The following WDR72 variants were observed in gnomAD, a reference collection of about 807,000 sequenced individuals.
WDR72 encodes the protein WD repeat domain 72.
WDR72 carries 120 observed loss-of-function variants against 124.2 expected under a neutral mutation model. The ratio of observed to expected loss-of-function variants is 0.97; its 90% CI spans 0.83 to 1.12. The LOEUF (loss-of-function observed/expected upper bound fraction) is 1.12, where lower values mean the gene tolerates loss of function less well. Among genes scored for constraint, WDR72 ranks in the 50% most tolerant of loss-of-function variants. The pLI is 0.00. For missense variants in WDR72, 1,387 were observed against 1,278.8 expected, an observed-to-expected ratio of 1.08 and a Z score of -1.29; for synonymous variants, 452 against 441.7, an observed-to-expected ratio of 1.02 and a Z score of -0.29.
chr15:53,650,637 T>C (rs1342755864), intron 14 of WDR72, among the ~76,000 whole-genome samples: 3 of 152,140 alleles, frequency 2.0e-5, no homozygotes, highest in Non-Finnish European at 4.4e-5. Flanking sequence ...ATCTTATTCA[T>C]CCATCAAGAT....
intron 13 of WDR72, among the ~76,000 whole-genome samples, chr15:53,668,968 G>GAGGAGA: frequency 1.0e-5 from 1 of 99,858 alleles, no homozygotes; most frequent in Non-Finnish European, 2.2e-5. Flanking sequence ...GGAGAAGGAG[G>GAGGAGA]AGGAGGAGGA....
chr15:53,651,323 T>C (rs1434148598), intron 14 of WDR72, among the ~76,000 whole-genome samples: 2 of 152,190 alleles, frequency 1.3e-5, no homozygotes, highest in African/African-American at 4.8e-5. Context: ...AGACTGTCTA[T>C]CAAACTGCCC....
intron 13 of WDR72, among the ~76,000 whole-genome samples, chr15:53,689,631 G>C (rs1430929226): frequency 5.4e-5 from 8 of 148,300 alleles, no homozygotes; most frequent in South Asian, 4.4e-4. Context: ...CTGTAAACTA[G>C]TTCAACCATT....
At chr15:53,644,304 C>CAT (rs2014963452) in intron 14 of WDR72, among the ~76,000 whole-genome samples, 1 of 151,866 alleles carries the variant, frequency 6.6e-6, no homozygotes, top group Non-Finnish European at 1.5e-5. Flanking sequence ...CTTGGTGGTA[C>CAT]ATAGTTTTTC....
chr15:53,723,778 T>C (rs962239924), intron 2 of WDR72, among the ~76,000 whole-genome samples: 1 of 152,194 alleles, frequency 6.6e-6, no homozygotes, highest in Non-Finnish European at 1.5e-5. Flanking sequence ...TAATACAATA[T>C]AAATGCTATG....
At chr15:53,527,686 T>C (rs1380153095) in intron 18 of WDR72, among the ~76,000 whole-genome samples, 2 of 152,058 alleles carry the variant, frequency 1.3e-5, no homozygotes, top group African/African-American at 2.4e-5. Context: ...GTTTGAAATA[T>C]TGGGCAACTG....
intron 18 of WDR72, among the ~76,000 whole-genome samples, chr15:53,540,097 A>G (rs560794733): frequency 2.2e-4 from 33 of 152,328 alleles, no homozygotes; most frequent in Admixed American, 1.9e-3. Context: ...AATGACTAAT[A>G]TATGTGTAAG....
rs2013182248 is a variant in WDR72 at position 53,604,391 on chromosome 15, T to C, written c.2952+5122A>G. Among the ~76,000 whole-genome samples, 2 of 152,178 alleles carry C rather than the reference T, an allele frequency of 1.3e-5. 1 individual carries two copies. The highest frequency in any genetic ancestry group is 2.9e-5 in the Non-Finnish European group (2 of 68,028). ...ATTATAAAAACCCTGGAAGATAACCTAAGCAATACCATTCGGGATATAGGC... is the reference window on the plus strand; with the variant it reads ...ATTATAAAAACCCTGGAAGATAACCCAAGCAATACCATTCGGGATATAGGC... On this transcript the variant is annotated intron_variant, in intron 17 of 19. Transcript: ENST00000360509.
chr15:53,583,541 T>G (rs934961809), intron 18 of WDR72, among the ~76,000 whole-genome samples: 3 of 151,972 alleles, frequency 2.0e-5, no homozygotes, highest in Non-Finnish European at 4.4e-5. Flanking sequence ...CCTGGAGACC[T>G]CTTGATATTT....
At chr15:53,732,787 G>A (rs1286486189) in intron 2 of WDR72, among the ~76,000 whole-genome samples, 1 of 152,112 alleles carries the variant, frequency 6.6e-6, no homozygotes, top group Non-Finnish European at 1.5e-5. Flanking sequence ...GCTAAGATTA[G>A]CAATATTCAT....
rs1488816509 is a variant in WDR72 at position 53,514,259 on chromosome 15, A to G, written c.*3440T>C. The G allele has an allele frequency of 1.3e-5, 2 of 152,220 alleles. No homozygotes were observed. Among genetic ancestry groups the G allele is most frequent in the Non-Finnish European group, 2.9e-5 (2 of 68,038 alleles). 9.4% of individuals were successfully genotyped at this position (152,220 alleles called of 1,614,324 possible). A position where few individuals can be genotyped will look rare whatever the true frequency, so the allele number is the denominator to read the frequency against. ...CATTTTGTGGAGAATAAAGGAGTCT[A>G]TAACACCGCTTTTATATAACTGAGC... On this transcript the variant is annotated 3_prime_UTR_variant, in exon 20 of 20. Coordinates refer to ENST00000360509, the MANE Select transcript of WDR72 (RefSeq NM_182758.4).
rs566532396 is a variant in WDR72 at position 53,712,071 on chromosome 15, C to T, written c.712-590G>A. On this transcript the variant is annotated intron_variant, in intron 7 of 19. Coordinates refer to ENST00000360509, the MANE Select transcript of WDR72 (RefSeq NM_182758.4). The stretch of plus-strand genomic sequence containing the variant: ...TAGTGACAAAGTAGAAAAAGTAAAA[C>T]ATCTAAAAATATAATCAAACTATGT... 2.0e-4 allele frequency among the ~76,000 whole-genome samples: 30 copies of T among 152,246 alleles called. No individual in the cohort carries two copies. The South Asian group carries it at 2.7e-3, about 14-fold the overall frequency.
chr15:53,629,067 T>C (rs541239552), intron 14 of WDR72, among the ~76,000 whole-genome samples: 2 of 152,214 alleles, frequency 1.3e-5, no homozygotes, highest in African/African-American at 4.8e-5. Context: ...GCTAGTTCAC[T>C]GATTAGACAG....
At chr15:53,642,855 C>T (rs956210601) in intron 14 of WDR72, among the ~76,000 whole-genome samples, 7 of 152,014 alleles carry the variant, frequency 4.6e-5, no homozygotes, top group Admixed American at 2.6e-4. Context: ...AATGTAAATG[C>T]TATTTTCCTT....
chr15:53,737,181 T>C (rs1216606697), intron 1 of WDR72, among the ~76,000 whole-genome samples: 2 of 152,130 alleles, frequency 1.3e-5, no homozygotes, highest in African/African-American at 4.8e-5. Flanking sequence ...ATTCCAGGCC[T>C]GGAGCAGGGA....
At chr15:53,660,518 A>C (rs1001758017) in intron 14 of WDR72, among the ~76,000 whole-genome samples, 1 of 152,146 alleles carries the variant, frequency 6.6e-6, no homozygotes, top group African/African-American at 2.4e-5. Flanking sequence ...TATGAGAATA[A>C]AACTCTAATA....
chr15:53,564,086 A>G (rs1443454932), intron 18 of WDR72, among the ~76,000 whole-genome samples: 1 of 151,820 alleles, frequency 6.6e-6, no homozygotes, highest in African/African-American at 2.4e-5. Context: ...GAGTCAAAAA[A>G]TATGTCAAGG....
intron 18 of WDR72, among the ~76,000 whole-genome samples, chr15:53,569,350 T>C (rs971974510): frequency 1.3e-5 from 2 of 151,966 alleles, no homozygotes; most frequent in Non-Finnish European, 2.9e-5. Flanking sequence ...TAGCAGCTCA[T>C]GTGTATGCAC....
In WDR72 at chr15:53,599,339, C is replaced by T. The variant is rs546053363; in HGVS notation, c.2953-2065G>A. On this transcript the variant is annotated intron_variant, in intron 17 of 19. Coordinates refer to ENST00000360509, the MANE Select transcript of WDR72 (RefSeq NM_182758.4). The stretch of plus-strand genomic sequence containing the variant: ...ACATGTTATTTGATATCACTGGTTC[C>T]ATGATGTGGATGATGTGGTAGAAAG... 2.6e-5 allele frequency among the ~76,000 whole-genome samples: 4 copies of T among 152,150 alleles called. No individual in the cohort carries two copies. In the East Asian group the frequency reaches 5.8e-4, roughly 22 times the overall value.
Sources: gnomAD v4.1 joint callset for allele counts (sites outside exome capture counted in the v4.1 genomes callset) on GRCh38, gnomAD v4.1.1 for gene constraint, MANE v1.5 for transcripts, NCBI Gene and HGNC (gene_info 2026-07-23, HGNC 2026-07-21) for gene names.